Variants in ANK2 observed in about 807,000 individuals in gnomAD.
ANK2 encodes the protein ankyrin 2.
Under a neutral mutation model 360.5 loss-of-function variants are expected in ANK2, and 83 were observed. That is an observed-to-expected ratio of 0.23 (90% CI 0.19 to 0.28). The LOEUF (loss-of-function observed/expected upper bound fraction) is 0.28, where lower values mean the gene tolerates loss of function less well. Among genes scored for constraint, ANK2 ranks in the 10% least tolerant of loss-of-function variants. The pLI is 1.00. For synonymous variants in ANK2, 1,740 were observed against 1,759.5 expected, an observed-to-expected ratio of 0.99 and a Z score of 0.28; for missense variants, 4,201 against 4,795.7, an observed-to-expected ratio of 0.88 and a Z score of 3.66.
At chr4:113,324,671 G>A (rs894060347) in intron 26 of ANK2, among the ~76,000 whole-genome samples, 6 of 152,146 alleles carry the variant, frequency 3.9e-5, no homozygotes, top group African/African-American at 1.4e-4. Flanking sequence ...TGGAGAATTA[G>A]GAAGGAATTA....
intron 1 of ANK2, among the ~76,000 whole-genome samples, chr4:113,091,964 A>G (rs531882638): frequency 6.6e-6 from 1 of 152,308 alleles, no homozygotes; most frequent in East Asian, 1.9e-4. Flanking sequence ...GACATTCTGT[A>G]TGAAACTTAA....
intron 14 of ANK2, among the ~76,000 whole-genome samples, chr4:113,266,710 T>C (rs2056238645): frequency 6.6e-6 from 1 of 152,180 alleles, no homozygotes; most frequent in South Asian, 2.1e-4. Flanking sequence ...AAACCCTGTC[T>C]CTACTGAAAA....
chr4:113,151,871 C>G (rs1476341382), intron 1 of ANK2, among the ~76,000 whole-genome samples: 1 of 148,326 alleles, frequency 6.7e-6, no homozygotes, highest in Non-Finnish European at 1.5e-5. Flanking sequence ...TTCAAGACCC[C>G]CTGGGAAACA....
intron 2 of ANK2, among the ~76,000 whole-genome samples, chr4:112,945,026 G>C (rs2094462033): frequency 6.6e-6 from 1 of 152,200 alleles, no homozygotes; most frequent in African/African-American, 2.4e-5. Context: ...TTGTGCTGTA[G>C]TAACAAATAG....
intron 23 of ANK2, among the ~76,000 whole-genome samples, chr4:113,309,528 T>G (rs142678816): frequency 1.3e-5 from 2 of 152,158 alleles, no homozygotes; most frequent in Non-Finnish European, 2.9e-5. Context: ...GTTTGTTTTT[T>G]GTTTTTTTGA....
chr4:113,092,502 C>T (rs972111959), intron 1 of ANK2, among the ~76,000 whole-genome samples: 14 of 152,154 alleles, frequency 9.2e-5, no homozygotes, highest in African/African-American at 3.4e-4. Context: ...ACAGATTATT[C>T]CTATGCACAC....
intron 21 of ANK2, chr4:113,292,851 G>A (rs1434130141): frequency 1.3e-5 from 5 of 396,504 alleles, no homozygotes; most frequent in Non-Finnish European, 2.4e-5. Flanking sequence ...AGCACAGTAA[G>A]GGAGCTGCTA....
At chr4:112,769,516 T>A in the ANK2 span, among the ~76,000 whole-genome samples, 1 of 152,228 alleles carries the variant, frequency 6.6e-6, no homozygotes, top group Non-Finnish European at 1.5e-5. Flanking sequence ...ATGAAGTTGG[T>A]CATGTCTTCT....
intron 2 of ANK2, among the ~76,000 whole-genome samples, chr4:113,181,841 G>A (rs570851384): frequency 6.6e-6 from 1 of 152,292 alleles, no homozygotes; most frequent in African/African-American, 2.4e-5. Context: ...GGAGGTTGGG[G>A]AGAGCAGAAA....
intron 2 of ANK2, among the ~76,000 whole-genome samples, chr4:112,992,033 G>C (rs566846151): frequency 4.0e-5 from 6 of 151,570 alleles, no homozygotes; most frequent in Non-Finnish European, 8.8e-5. Context: ...ACTTGCCCTC[G>C]TCTTTTATTT....
intron 28 of ANK2, 58 bp from the exon 29 acceptor site, chr4:113,332,996 C>G (rs2092814181): frequency 1.2e-6 from 2 of 1,611,266 alleles, no homozygotes; most frequent in South Asian, 2.2e-5. Flanking sequence ...AGTCGAGGTG[C>G]TTGTCTTGCT....
At chr4:112,713,353 G>T in the ANK2 span, among the ~76,000 whole-genome samples, 1 of 152,118 alleles carries the variant, frequency 6.6e-6, no homozygotes, top group African/African-American at 2.4e-5. Context: ...GCAGATCACC[G>T]GAGGTCGGGC....
chr4:113,044,578 C>T (rs917156215), intron 2 of ANK2, among the ~76,000 whole-genome samples: 2 of 152,152 alleles, frequency 1.3e-5, no homozygotes, highest in Non-Finnish European at 2.9e-5. Context: ...ACTAGAAGTG[C>T]AAAACCACGG....
upstream of ANK2, among the ~76,000 whole-genome samples, chr4:113,048,695 T>C (rs1184589997): frequency 3.9e-5 from 6 of 152,106 alleles, no homozygotes; most frequent in Non-Finnish European, 7.3e-5. Context: ...AACTTTATAG[T>C]ATACACCCCT....
At chr4:113,001,010 G>C (rs2050418533) in intron 2 of ANK2, among the ~76,000 whole-genome samples, 1 of 130,690 alleles carries the variant, frequency 7.7e-6, no homozygotes, top group Non-Finnish European at 1.6e-5. Context: ...TCTTTCCATT[G>C]GATTTTGTCA....
intron 1 of ANK2, among the ~76,000 whole-genome samples, chr4:113,076,357 C>T (rs1224521554): frequency 6.6e-6 from 1 of 152,232 alleles, no homozygotes. Context: ...TTACTATTTT[C>T]TTTCGGTATC....
chr4:112,816,368 AGCATCCTG>A (rs2055634376), upstream of ANK2, among the ~76,000 whole-genome samples: 1 of 152,206 alleles, frequency 6.6e-6, no homozygotes, highest in African/African-American at 2.4e-5. Context: ...CACAGTCACA[AGCATCCTG>A]GTCAACTCAG....
At chr4:112,725,357 C>CTTTTTTTT in the ANK2 span, among the ~76,000 whole-genome samples, 1 of 73,594 alleles carries the variant, frequency 1.4e-5, no homozygotes, top group Non-Finnish European at 2.5e-5. Context: ...AAGACACAGT[C>CTTTTTTTT]TTTTTTTTTT....
At chr4:113,324,098 CAT>C (rs2153886134) in intron 26 of ANK2, among the ~76,000 whole-genome samples, 1 of 152,272 alleles carries the variant, frequency 6.6e-6, no homozygotes, top group South Asian at 2.1e-4. Context: ...AAAAGTGCTA[CAT>C]AGAGATGAAA....
Sources: allele counts gnomAD v4.1 joint callset (sites outside exome capture counted in the v4.1 genomes callset), GRCh38; gene constraint gnomAD v4.1.1; transcripts MANE v1.5; gene names NCBI Gene and HGNC (gene_info 2026-07-23, HGNC 2026-07-21).